B3GNT5: variants seen among roughly 807,000 people sequenced by gnomAD.
B3GNT5 encodes UDP-GlcNAc:betaGal beta-1,3-N-acetylglucosaminyltransferase 5.
B3GNT5 carries 11 observed loss-of-function variants against 25.9 expected under a neutral mutation model. That is an observed-to-expected ratio of 0.42 (90% CI 0.27 to 0.70). The LOEUF is 0.70. Ranked by LOEUF, B3GNT5 falls within the 30% of genes least tolerant of loss-of-function variation. The pLI is 0.23. For missense variants in B3GNT5, 385 were observed against 458.4 expected (o/e 0.84, Z 1.46); for synonymous variants, 166 against 158.6 (o/e 1.05, Z -0.35).
Position 183,272,690 on chromosome 3 carries a change from CAT to C in B3GNT5, c.*1757_*1758del. 3 of 1,008,834 alleles carry C rather than the reference CAT, an allele frequency of 3.0e-6. No individual in the cohort carries two copies. The highest frequency in any genetic ancestry group is 4.6e-5 in the South Asian group (1 of 21,640). The allele number at this position is 1,008,834 out of a possible 1,614,324, so 62.5% of individuals were successfully genotyped here. On this transcript the variant is annotated 3_prime_UTR_variant, in exon 2 of 2. Transcript: ENST00000326505. ...TAAGTTTTCTGACCAATTAAAAAAA[CAT>C]AGAGAACAAAAGCATATTTGACCAA...
chr3:183,261,537 G>A (rs1725584157), intron 1 of B3GNT5, among the ~76,000 whole-genome samples: 1 of 152,124 alleles, frequency 6.6e-6, no homozygotes, highest in African/African-American at 2.4e-5. Flanking sequence ...CTCACCGGAG[G>A]AGCCTTATAT....
At position 183,269,756 on chromosome 3, in the gene B3GNT5, C is replaced by G. The variant is rs760692899; in HGVS notation, c.-43C>G. On this transcript the variant is annotated 5_prime_UTR_variant, in exon 2 of 2. Coordinates refer to ENST00000326505, the MANE Select transcript of B3GNT5 (RefSeq NM_032047.5). Reference sequence around the variant, plus strand: ...TTCTATGGTCTCGAAGAAGCCCGTGCCTGTTTAAAACTGATCCTAACTAAA... The same window carrying G: ...TTCTATGGTCTCGAAGAAGCCCGTGGCTGTTTAAAACTGATCCTAACTAAA... The G allele has an allele frequency of 2.2e-5, 34 of 1,539,238 alleles. 1 individual carries two copies. The South Asian group carries it at 3.7e-4, about 17-fold the overall frequency.
chr3:183,259,722 C>G (rs1204051644), intron 1 of B3GNT5, among the ~76,000 whole-genome samples: 2 of 152,100 alleles, frequency 1.3e-5, no homozygotes, highest in African/African-American at 4.8e-5. Context: ...TGTCACCCTC[C>G]TGCGACTTTG....
Position 183,271,191 on chromosome 3 carries a change from C to G in B3GNT5, c.*256C>G. On this transcript the variant is annotated 3_prime_UTR_variant, in exon 2 of 2. Coordinates refer to ENST00000326505, the MANE Select transcript of B3GNT5 (RefSeq NM_032047.5). ...GTGAAAACAAAACTAAAGGGAAGTT[C>G]AAGTTCTCATGTAATGCCACATATA... is the stretch of plus-strand genomic sequence containing the variant. 1 of 321,844 alleles carries G rather than the reference C, an allele frequency of 3.1e-6. No individual in the cohort carries two copies. Among genetic ancestry groups the G allele is most frequent in the Non-Finnish European group, 5.9e-6 (1 of 168,794 alleles). 19.9% of individuals were successfully genotyped at this position (321,844 alleles called of 1,614,324 possible).
intron 1 of B3GNT5, chr3:183,266,248 A>T (rs563990172): frequency 6.6e-6 from 1 of 152,372 alleles, no homozygotes; most frequent in South Asian, 2.1e-4. Flanking sequence ...TCAGACTTGC[A>T]AACAACTGTA....
intron 1 of B3GNT5, among the ~76,000 whole-genome samples, chr3:183,264,111 A>G (rs1008324888): frequency 3.3e-5 from 5 of 152,230 alleles, no homozygotes; most frequent in Admixed American, 1.3e-4. Context: ...ACAAAACCAG[A>G]AATTTCTATG....
intron 1 of B3GNT5, among the ~76,000 whole-genome samples, chr3:183,256,297 A>ATATCTCTGTG (rs913112673): frequency 6.6e-5 from 10 of 152,218 alleles, no homozygotes; most frequent in African/African-American, 2.4e-4. Context: ...TCTGTGAGCG[A>ATATCTCTGTG]AGATGTAACC....
intron 1 of B3GNT5, chr3:183,254,576 C>T (rs1724858863): frequency 6.6e-6 from 1 of 152,132 alleles, no homozygotes; most frequent in African/African-American, 2.4e-5. Flanking sequence ...CCCTGAGGAG[C>T]TCCGGCTCCT....
chr3:183,261,070 G>A (rs190671836), intron 1 of B3GNT5, among the ~76,000 whole-genome samples: 19 of 152,312 alleles, frequency 1.2e-4, no homozygotes, highest in Middle Eastern at 3.4e-3. Context: ...ACCTTAAAAT[G>A]TGAGTTATAA....
In B3GNT5 at chr3:183,270,214, G is replaced by A. The variant is rs754121621; in HGVS notation, c.416G>A (p.Gly139Glu). ...TTAGGAACTCCTAATCCACTGGAGG[G>A]AGAAGAACTACAAAGAAAACTGGCT... ...FALGTPNPLE[G>E]EELQRKLAWE... The change falls in exon 2 of 2, where the codon GGA becomes GAA. Residue 139 changes from glycine to glutamate, a missense_variant. Gly to Glu is a moderately conservative substitution (Grantham distance 98). Coordinates refer to ENST00000326505, the MANE Select transcript of B3GNT5 (RefSeq NM_032047.5). The surrounding 1 kb of genome is among the most constrained non-coding windows in gnomAD (Gnocchi z 4.5). 1.5e-5 allele frequency: 24 copies of A among 1,614,068 alleles called. No individual in the cohort carries two copies. The highest frequency in any genetic ancestry group is 2.2e-5 in the South Asian group (2 of 91,086).
intron 1 of B3GNT5, among the ~76,000 whole-genome samples, chr3:183,259,120 A>G (rs902247940): frequency 3.3e-5 from 5 of 152,236 alleles, no homozygotes; most frequent in African/African-American, 9.6e-5. Context: ...TGGGTTTCTA[A>G]TAACAGATTT....
chr3:183,272,671 T>C lies in B3GNT5; in HGVS notation c.*1736T>C. On this transcript the variant is annotated 3_prime_UTR_variant, in exon 2 of 2. Transcript: ENST00000326505. ...GTTTTAGATCATTACAGTTTAAGTTTTCTGACCAATTAAAAAAACATAGAG... is the reference window on the plus strand; with the variant it reads ...GTTTTAGATCATTACAGTTTAAGTTCTCTGACCAATTAAAAAAACATAGAG... 1.0e-6 allele frequency: 1 copy of C among 1,004,852 alleles called. No homozygotes were observed. The highest frequency in any genetic ancestry group is 4.6e-5 in the South Asian group (1 of 21,584). 62.2% of individuals were successfully genotyped at this position (1,004,852 alleles called of 1,614,324 possible). A position where few individuals can be genotyped will look rare whatever the true frequency, so the allele number is the denominator to read the frequency against.
At chr3:183,264,723 C>T (rs1271914552) in intron 1 of B3GNT5, among the ~76,000 whole-genome samples, 1 of 152,174 alleles carries the variant, frequency 6.6e-6, no homozygotes, top group Admixed American at 6.5e-5. Context: ...AATGAGTTGA[C>T]AGCAGGGGTA....
intron 1 of B3GNT5, among the ~76,000 whole-genome samples, chr3:183,266,342 G>T (rs934305835): frequency 1.6e-4 from 24 of 152,228 alleles, no homozygotes; most frequent in African/African-American, 5.8e-4. Context: ...TGATCCCTGA[G>T]ATTCCAAAGG....
At chr3:183,256,171 G>A (rs1252155959) in intron 1 of B3GNT5, among the ~76,000 whole-genome samples, 2 of 152,114 alleles carry the variant, frequency 1.3e-5, no homozygotes, top group Non-Finnish European at 2.9e-5. Flanking sequence ...TATTTCCATA[G>A]CCATTATTTT....
chr3:183,262,438 G>A (rs188986967), intron 1 of B3GNT5, among the ~76,000 whole-genome samples: 46 of 152,018 alleles, frequency 3.0e-4, no homozygotes, highest in Admixed American at 2.2e-3. Context: ...TGTTCACTGT[G>A]GATTTTTTTC....
intron 1 of B3GNT5, among the ~76,000 whole-genome samples, chr3:183,266,757 A>G (rs1235058199): frequency 6.6e-6 from 1 of 151,336 alleles, no homozygotes; most frequent in South Asian, 2.1e-4. Context: ...GAAATTACTG[A>G]TATTGATCTG....
At position 183,271,908 on chromosome 3, in the gene B3GNT5, C is replaced by T. The variant is rs944974144; in HGVS notation, c.*973C>T. ...AAAATGAAATCTTAGTGTCTAAATC[C>T]TTGTACTGATTACTAAAATTAACCC... is the stretch of plus-strand genomic sequence containing the variant. On this transcript the variant is annotated 3_prime_UTR_variant, in exon 2 of 2. Transcript: ENST00000326505. The T allele has an allele frequency of 6.0e-6, 1 of 167,646 alleles. No homozygotes were observed. The highest frequency in any genetic ancestry group is 2.4e-5 in the African/African-American group (1 of 41,458). 10.4% of individuals were successfully genotyped at this position (167,646 alleles called of 1,614,324 possible).
intron 1 of B3GNT5, among the ~76,000 whole-genome samples, chr3:183,261,299 A>G (rs1576985539): frequency 6.6e-6 from 1 of 152,184 alleles, no homozygotes; most frequent in African/African-American, 2.4e-5. Context: ...GGTCCTAGCT[A>G]TACTTAACAG....
Sources: gnomAD v4.1 joint callset for allele counts (sites outside exome capture counted in the v4.1 genomes callset) on GRCh38, gnomAD v4.1.1 for gene constraint, Gnocchi (gnomAD v3.1) non-coding constraint, MANE v1.5 for transcripts, NCBI Gene and HGNC (gene_info 2026-07-23, HGNC 2026-07-21) for gene names.